RRM2: variants seen among roughly 807,000 people sequenced by gnomAD.
RRM2 encodes ribonucleotide reductase regulatory subunit M2, also known as ribonucleoside-diphosphate reductase subunit M2.
RRM2 carries 6 observed loss-of-function variants against 45.9 expected under a neutral mutation model. The observed-to-expected ratio is 0.13, with a 90% CI of 0.07 to 0.26. The LOEUF (loss-of-function observed/expected upper bound fraction) is 0.26, where lower values mean the gene tolerates loss of function less well. Among genes scored for constraint, RRM2 ranks in the 10% least tolerant of loss-of-function variants. RRM2 has a pLI of 1.00. For synonymous variants in RRM2, 177 were observed against 173.0 expected (o/e 1.02, Z -0.18); for missense variants, 343 against 489.5 (o/e 0.70, Z 2.82).
chr2:10,187,740 G>A (rs1664198073), intron 3 of RRM2, among the ~76,000 whole-genome samples: 1 of 152,224 alleles, frequency 6.6e-6, no homozygotes, highest in Non-Finnish European at 1.5e-5. Context: ...ACACCACAGC[G>A]GCTGGGCAGG....
Position 10,126,940 on chromosome 2 carries a change from G to C in RRM2, c.635G>C (p.Arg212Pro). 6.2e-7 allele frequency: 1 copy of C among 1,614,086 alleles called. No individual in the cohort carries two copies. Among genetic ancestry groups the C allele is most frequent in the East Asian group, 2.2e-5 (1 of 44,878 alleles). ...CVKKKADWAL[R>P]WIGDKEATYG... is the part of the protein sequence containing the mutation. ...AAGAAGAAGGCAGACTGGGCCTTGC[G>C]CTGGATTGGGGACAAAGAGGCTACC... Residue 212 changes from arginine (R) to proline (P), a missense_variant, in exon 6 of 10, where the codon CGC becomes CCC. Physicochemically the swap from Arg to Pro is moderately radical, Grantham distance 103. Around this residue, in one of 2 missense-constraint regions of RRM2, gnomAD observed 212 missense variants for 368.1 expected, o/e 0.58. Coordinates refer to ENST00000304567, the MANE Select transcript of RRM2 (RefSeq NM_001034.4).
Position 10,171,533 on chromosome 2 carries a change from G to T in RRM2, n.482+29158G>T, listed in dbSNP as rs954555494. On this transcript the variant is annotated intron_variant and non_coding_transcript_variant, in intron 3 of 3. Coordinates refer to the RRM2 transcript ENST00000381786. This position sits in a 1 kb window ranked among gnomAD's most constrained non-coding sequence, Gnocchi z 4.1. ...AGTGAGCTAAGCAGGGCTTGGCAAG[G>T]TGGTGTCCCCCGGTCAGTGCCAGAG... 2.6e-5 allele frequency among the ~76,000 whole-genome samples: 4 copies of T among 152,214 alleles called. No homozygotes were observed. Among genetic ancestry groups the T allele is most frequent in the Non-Finnish European group, 5.9e-5 (4 of 68,038 alleles).
At chr2:10,142,137 G>A in intron 2 of RRM2, 1 of 1,561,044 alleles carries the variant, frequency 6.4e-7, no homozygotes, top group Non-Finnish European at 8.7e-7. Flanking sequence ...CCTGTGGCAG[G>A]CGCGTCTGTG....
At chr2:10,141,654 C>G (rs1266344632) in intron 1 of RRM2, 3 of 687,670 alleles carry the variant, frequency 4.4e-6, no homozygotes, top group Non-Finnish European at 7.2e-6. Flanking sequence ...ATGATTAGCT[C>G]TGGGAAGCGG....
chr2:10,210,256 C>T, intron 3 of RRM2: 27 of 1,213,820 alleles, frequency 2.2e-5, no homozygotes, highest in Non-Finnish European at 2.8e-5. Flanking sequence ...AATTTGGGGG[C>T]ATGGGTTGGA....
intron 3 of RRM2, among the ~76,000 whole-genome samples, chr2:10,174,007 C>G (rs775947332): frequency 1.2e-4 from 19 of 152,164 alleles, no homozygotes; most frequent in Non-Finnish European, 2.8e-4. Flanking sequence ...CATGTTGAGG[C>G]CCAAACCCCC....
chr2:10,201,570 CAG>C (rs1469871084), intron 3 of RRM2, among the ~76,000 whole-genome samples: 1 of 152,174 alleles, frequency 6.6e-6, no homozygotes, highest in African/African-American at 2.4e-5. Context: ...GAGCACCTGT[CAG>C]AACTTTATAG....
chr2:10,161,231 G>T (rs555795002), intron 3 of RRM2, among the ~76,000 whole-genome samples: 11 of 152,228 alleles, frequency 7.2e-5, no homozygotes, highest in Admixed American at 1.3e-4. Flanking sequence ...CTAAATGTTT[G>T]CATTTTTGGT....
intron 3 of RRM2, among the ~76,000 whole-genome samples, chr2:10,202,419 G>A (rs767433180): frequency 1.3e-4 from 20 of 152,170 alleles, no homozygotes; most frequent in Non-Finnish European, 2.4e-4. Context: ...CATGAAAAGC[G>A]GCTCAACAGT....
rs188950162 is a variant in RRM2, at chr2:10,178,334, C to T, written n.483-31977C>T. ...ACCTCCTGGGTTCAAGCAATTCTCC[C>T]GCCTCAGCCTCCCAAGTAGCTGGGA... On this transcript the variant is annotated intron_variant and non_coding_transcript_variant, in intron 3 of 3. Transcript: ENST00000381786. Among the ~76,000 whole-genome samples, 334 of 151,582 alleles carry T rather than the reference C, an allele frequency of 2.2e-3. 4 individuals are homozygous for T. The highest frequency in any genetic ancestry group is 7.4e-3 in the African/African-American group (305 of 41,278).
At chr2:10,186,085 A>G (rs1664157323) in intron 3 of RRM2, among the ~76,000 whole-genome samples, 2 of 152,234 alleles carry the variant, frequency 1.3e-5, no homozygotes, top group African/African-American at 4.8e-5. Flanking sequence ...GTAAACTTGT[A>G]TCAGTTGTTA....
At chr2:10,210,429 G>A (rs1329054760) in exon 4 of RRM2, 2 of 1,367,750 alleles carry the variant, frequency 1.5e-6, no homozygotes, top group African/African-American at 3.0e-5. Context: ...TCCAGACAGG[G>A]ACACCCCTGG....
At chr2:10,210,176 C>T in intron 3 of RRM2, 1 of 440,808 alleles carries the variant, frequency 2.3e-6, no homozygotes, top group Non-Finnish European at 4.2e-6. Flanking sequence ...CATGGACTCC[C>T]ACCTCCTTGT....
Position 10,171,214 on chromosome 2 carries a change from A to G in RRM2, n.482+28839A>G, listed in dbSNP as rs976787892. ...CCTCTGCTGGCTGGCAGCTTGGCCC[A>G]GCCTCCTCACTGGTGAACAGTCAGC... On this transcript the variant is annotated intron_variant and non_coding_transcript_variant, in intron 3 of 3. Transcript: ENST00000381786. The surrounding 1 kb of genome is among the most constrained non-coding windows in gnomAD (Gnocchi z 4.1). 3.3e-5 allele frequency among the ~76,000 whole-genome samples: 5 copies of G among 152,360 alleles called. No individual in the cohort carries two copies. The highest frequency in any genetic ancestry group is 1.2e-4 in the African/African-American group (5 of 41,594).
At chr2:10,144,900 C>T (rs1661566102) in intron 3 of RRM2, among the ~76,000 whole-genome samples, 1 of 152,122 alleles carries the variant, frequency 6.6e-6, no homozygotes, top group South Asian at 2.1e-4. Context: ...AAACAATGAC[C>T]CCACTGGCTG....
chr2:10,206,475 G>A (rs1664667852), intron 3 of RRM2, among the ~76,000 whole-genome samples: 1 of 152,148 alleles, frequency 6.6e-6, no homozygotes, highest in South Asian at 2.1e-4. Context: ...AGCAATAAGA[G>A]AAGTATGAAC....
chr2:10,154,496 T>C (rs1663383172), intron 3 of RRM2, among the ~76,000 whole-genome samples: 1 of 83,784 alleles, frequency 1.2e-5, no homozygotes, highest in Non-Finnish European at 2.2e-5. Flanking sequence ...CGAGACTCCA[T>C]CTCAAAAAAA....
downstream of RRM2, among the ~76,000 whole-genome samples, chr2:10,133,121 C>T (rs62129884): frequency 0.055 from 8,373 of 152,244 alleles, 336 homozygotes; most frequent in Middle Eastern, 0.11. Flanking sequence ...AACCAGTGGA[C>T]GTCAGTCCTG....
chr2:10,139,309 A>C (rs1663040767), upstream of RRM2, among the ~76,000 whole-genome samples: 1 of 152,230 alleles, frequency 6.6e-6, no homozygotes, highest in Admixed American at 6.5e-5. Flanking sequence ...AGAAGTTATT[A>C]TTGGCAAAGG....
Sources: allele counts gnomAD v4.1 joint callset (sites outside exome capture counted in the v4.1 genomes callset), GRCh38; gene constraint gnomAD v4.1.1; regional missense constraint gnomAD v4.1.1; non-coding constraint Gnocchi (gnomAD v3.1); transcripts MANE v1.5; gene names NCBI Gene and HGNC (gene_info 2026-07-23, HGNC 2026-07-21).